CHL1: variants seen among roughly 807,000 people sequenced by gnomAD.
CHL1 encodes cell adhesion molecule L1 like.
In CHL1, 96 loss-of-function variants were observed where a neutral mutation model predicts 141.9. The ratio of observed to expected loss-of-function variants is 0.68; its 90% confidence interval spans 0.57 to 0.80. The LOEUF (loss-of-function observed/expected upper bound fraction) is 0.80, where lower values mean the gene tolerates loss of function less well. CHL1 is among the 30% of genes least tolerant of loss of function. The probability of loss-of-function intolerance (pLI) is 0.00; values close to 1 mark genes in which losing one functional copy is unlikely to be tolerated. For synonymous variants in CHL1, 613 were observed against 502.2 expected, an observed-to-expected ratio of 1.22 and a Z score of -2.95; for missense variants, 1,820 against 1,457.2, an observed-to-expected ratio of 1.25 and a Z score of -4.05.
At chr3:400,269 A>G (rs1709015677) in intron 26 of CHL1, among the ~76,000 whole-genome samples, 1 of 152,228 alleles carries the variant, frequency 6.6e-6, no homozygotes, top group Non-Finnish European at 1.5e-5. Flanking sequence ...TTGTAAAATG[A>G]CATGCATAAT....
chr3:250,255 A>G (rs533421755), intron 2 of CHL1, among the ~76,000 whole-genome samples: 23 of 152,224 alleles, frequency 1.5e-4, no homozygotes, highest in African/African-American at 5.1e-4. Flanking sequence ...CACAAATTTT[A>G]TTTGATATTA....
At chr3:285,240 G>C (rs140247562) in intron 2 of CHL1, among the ~76,000 whole-genome samples, 68 of 152,340 alleles carry the variant, frequency 4.5e-4, no homozygotes, top group African/African-American at 1.5e-3. Context: ...AAAGGGAAGA[G>C]ATGAATTACA....
At position 398,271 on chromosome 3, in the gene CHL1, ACTCACCCAATAGAGGTAT is replaced by A; in HGVS notation, c.3140_3157del (p.Thr1047_Phe1053delinsIle). ...ATCAGGAGTAAATCTTACTCAAAAG[ACTCACCCAATAGAGGTAT>A]TTGAGCCGGGAGCTGAACATATAGT... On this transcript the variant is annotated inframe_deletion, in exon 25 of 28. Transcript: ENST00000256509. 1.9e-6 allele frequency: 3 copies of A among 1,606,298 alleles called. No homozygotes were observed. Among genetic ancestry groups the A allele is most frequent in the South Asian group, 2.2e-5 (2 of 90,740 alleles).
At chr3:234,750 A>G (rs567601420) in intron 1 of CHL1, among the ~76,000 whole-genome samples, 2 of 152,218 alleles carry the variant, frequency 1.3e-5, no homozygotes, top group East Asian at 1.9e-4. Flanking sequence ...ACAAGTTCCT[A>G]TTTTGGGGAC....
At chr3:214,275 C>T (rs1486753922) in intron 1 of CHL1, among the ~76,000 whole-genome samples, 4 of 152,166 alleles carry the variant, frequency 2.6e-5, no homozygotes, top group Non-Finnish European at 5.9e-5. Context: ...CCACTGATCC[C>T]TTCTAGGGCC....
At chr3:300,751 A>G (rs976464678) in intron 2 of CHL1, among the ~76,000 whole-genome samples, 6 of 151,768 alleles carry the variant, frequency 4.0e-5, no homozygotes, top group Non-Finnish European at 7.4e-5. Context: ...CTCGTGTGAA[A>G]CATCTTATTT....
intron 1 of CHL1, among the ~76,000 whole-genome samples, chr3:199,892 C>T (rs562236467): frequency 1.3e-4 from 20 of 152,094 alleles, no homozygotes; most frequent in African/African-American, 4.1e-4. Context: ...TATTTTTAAC[C>T]GATAAAAGAA....
intron 1 of CHL1, among the ~76,000 whole-genome samples, chr3:219,010 A>C (rs577279873): frequency 6.6e-6 from 1 of 152,058 alleles, no homozygotes; most frequent in Non-Finnish European, 1.5e-5. Context: ...TTAGCTGGGC[A>C]TGGTGGCGGG....
chr3:283,436 T>G (rs1696838091), intron 2 of CHL1, among the ~76,000 whole-genome samples: 1 of 152,232 alleles, frequency 6.6e-6, no homozygotes, highest in Non-Finnish European at 1.5e-5. Flanking sequence ...TCTTTCTATT[T>G]ATGTACACAT....
chr3:372,177 C>G (rs910261289), intron 15 of CHL1, among the ~76,000 whole-genome samples: 1 of 152,172 alleles, frequency 6.6e-6, no homozygotes, highest in Admixed American at 6.5e-5. Flanking sequence ...GGGAAGTTCT[C>G]CTGGATAATA....
chr3:315,657 G>C (rs1700102989), intron 2 of CHL1, among the ~76,000 whole-genome samples: 2 of 152,024 alleles, frequency 1.3e-5, no homozygotes, highest in South Asian at 4.1e-4. Flanking sequence ...ACGCACGCTT[G>C]TCCATGTTAA....
intron 1 of CHL1, among the ~76,000 whole-genome samples, chr3:238,066 C>T (rs961285891): frequency 6.6e-6 from 1 of 152,114 alleles, no homozygotes; most frequent in Non-Finnish European, 1.5e-5. Flanking sequence ...TGAAGAATTT[C>T]TGTCTGTGTG....
intron 2 of CHL1, among the ~76,000 whole-genome samples, chr3:252,490 GA>G (rs1048336846): frequency 8.1e-5 from 12 of 147,748 alleles, no homozygotes; most frequent in African/African-American, 2.7e-4. Flanking sequence ...TTTACCTTAG[GA>G]AACACATATT....
intron 1 of CHL1, among the ~76,000 whole-genome samples, chr3:208,047 G>A (rs1259803543): frequency 6.6e-6 from 1 of 152,168 alleles, no homozygotes; most frequent in Non-Finnish European, 1.5e-5. Flanking sequence ...AAACTGGTAT[G>A]AGTGGTTTGG....
At chr3:317,522 A>G (rs2125023011) in intron 2 of CHL1, among the ~76,000 whole-genome samples, 1 of 152,024 alleles carries the variant, frequency 6.6e-6, no homozygotes, top group South Asian at 2.1e-4. Context: ...CATAAAACAC[A>G]TACATGAGAT....
rs146408628 is a variant in CHL1 at position 340,864 on chromosome 3, A to G, written c.456A>G (p.Pro152=). The G allele has an allele frequency of 6.2e-7, 1 of 1,612,680 alleles. No homozygotes were observed. Among genetic ancestry groups the G allele is most frequent in the Non-Finnish European group, 8.5e-7 (1 of 1,178,778 alleles). ...EVEEGDPIVL[P]CNPPKGLPPL... ...AGGAGGGAGATCCAATTGTCCTCCC[A>G]TGCAATCCTCCCAAAGGCCTCCCAC... The change falls in exon 6 of 28, where the codon CCA becomes CCG. Residue 152 remains proline (P), a synonymous_variant. Coordinates refer to ENST00000256509, the MANE Select transcript of CHL1 (RefSeq NM_006614.4).
intron 2 of CHL1, among the ~76,000 whole-genome samples, chr3:245,534 G>A (rs538023848): frequency 3.9e-5 from 6 of 152,138 alleles, no homozygotes; most frequent in South Asian, 2.1e-4. Flanking sequence ...AAACAAAAAC[G>A]AGTAATTTTT....
chr3:198,508 G>A (rs1295323595), intron 1 of CHL1, among the ~76,000 whole-genome samples: 3 of 152,186 alleles, frequency 2.0e-5, no homozygotes, highest in African/African-American at 7.2e-5. Context: ...GCGTCACTCT[G>A]GACTAGGCAT....
chr3:402,517 G>T (rs573124388), intron 27 of CHL1, among the ~76,000 whole-genome samples: 1 of 152,188 alleles, frequency 6.6e-6, no homozygotes, highest in African/African-American at 2.4e-5. Flanking sequence ...CAGACATATT[G>T]TAAGTTCCAG....
Sources: gnomAD v4.1 joint callset for allele counts (sites outside exome capture counted in the v4.1 genomes callset) on GRCh38, gnomAD v4.1.1 for gene constraint, MANE v1.5 for transcripts, NCBI Gene and HGNC (gene_info 2026-07-23, HGNC 2026-07-21) for gene names.